The following PAICS variants were observed in gnomAD, a reference collection of about 807,000 sequenced individuals.
PAICS encodes the protein phosphoribosylaminoimidazole carboxylase and phosphoribosylaminoimidazolesuccinocarboxamide synthase.
Under a neutral mutation model 53.7 loss-of-function variants are expected in PAICS, and 33 were observed. The observed-to-expected ratio is 0.61, with a 90% confidence interval of 0.47 to 0.82. PAICS has a LOEUF of 0.82. PAICS is among the 40% of genes least tolerant of loss of function. The pLI, the probability that PAICS is intolerant of heterozygous loss-of-function variation, is 0.00. For missense variants in PAICS, 394 were observed against 494.1 expected (o/e 0.80, Z 1.92); for synonymous variants, 141 against 167.2 (o/e 0.84, Z 1.21).
In PAICS at chr4:56,452,705, G is replaced by C. The variant is rs527591524; in HGVS notation, c.952+653G>C. On this transcript the variant is annotated intron_variant, in intron 7 of 8. Transcript: ENST00000512576. ...TTACAGGAGGCGGGAGGTTAAAATA[G>C]CCGGTTCTCCCGGGAATCTTTAGTT... Among the ~76,000 whole-genome samples, 384 of 152,262 alleles carry C rather than the reference G, an allele frequency of 2.5e-3. 2 individuals carry two copies. Among genetic ancestry groups the C allele is most frequent in the Non-Finnish European group, 4.3e-3 (294 of 68,032 alleles).
At chr4:56,435,218 C>T, upstream of PAICS, 1 of 1,345,362 alleles carries the variant, frequency 7.4e-7, no homozygotes, top group Non-Finnish European at 1.0e-6. Context: ...GTCGACGCCA[C>T]AGGCAGGTAC....
At chr4:56,432,720 G>C (rs1717661427), upstream of PAICS, among the ~76,000 whole-genome samples, 1 of 149,982 alleles carries the variant, frequency 6.7e-6, no homozygotes, top group East Asian at 2.0e-4. Context: ...GGGAGGCGGA[G>C]CTTGCAGTGA....
Position 56,448,500 on chromosome 4 carries a change from A to G in PAICS, c.476A>G (p.Gln159Arg). 3.7e-6 allele frequency: 6 copies of G among 1,612,922 alleles called. No homozygotes were observed. The highest frequency in any genetic ancestry group is 5.1e-6 in the Non-Finnish European group (6 of 1,179,102). ...TGCTTTGCTGGACTTCTTATAGGCC[A>G]GACTGAAGTGGATATCATGAGTCAT... ...KFCFAGLLIG[Q>R]TEVDIMSHAT... Residue 159 changes from glutamine to arginine, a missense_variant, in exon 4 of 9, where the codon CAG (glutamine) becomes CGG (arginine). Gln to Arg is a conservative substitution (Grantham distance 43). This residue lies in a region of PAICS where 168 missense variants were observed against 199.3 expected (regional missense o/e 0.84). Transcript: ENST00000512576.
At chr4:56,432,997 T>TTATATATATA (rs370961590), upstream of PAICS, among the ~76,000 whole-genome samples, 2 of 148,436 alleles carry the variant, frequency 1.3e-5, no homozygotes, top group African/African-American at 5.0e-5. Flanking sequence ...CACACGTATT[T>TTATATATATA]TATATATATA....
At chr4:56,444,615 GATAAACA>G (rs1458559968) in intron 2 of PAICS, among the ~76,000 whole-genome samples, 1 of 152,088 alleles carries the variant, frequency 6.6e-6, no homozygotes, top group Non-Finnish European at 1.5e-5. Context: ...AGACAACTAA[GATAAACA>G]ATGGGAATTT....
rs1404185425 is a variant in PAICS, at chr4:56,463,628, GGTT to G, written c.*4093_*4095del. On this transcript the variant is annotated 3_prime_UTR_variant, in exon 9 of 9. Transcript: ENST00000512576. ...GAATCGCTTGAACCTGGAAGGCAGAGGTTGTGGTGAGCTGAGATCGAACCATTG... is the reference window on the plus strand; with the variant it reads ...GAATCGCTTGAACCTGGAAGGCAGAGGTGGTGAGCTGAGATCGAACCATTG... The G allele has an allele frequency of 2.0e-5, 3 of 151,084 alleles. No homozygotes were observed. The highest frequency in any genetic ancestry group is 7.3e-5 in the African/African-American group (3 of 40,990). The allele number at this position is 151,084 out of a possible 1,614,324, so 9.4% of individuals were successfully genotyped here.
chr4:56,451,785 G>A, intron 6 of PAICS, 87 bp from the exon 7 acceptor site: 1 of 710,918 alleles, frequency 1.4e-6, no homozygotes, highest in Non-Finnish European at 2.2e-6. Context: ...AAAATATTGG[G>A]CCCAGATATA....
At chr4:56,417,842 G>GTTTTTTTTTTT in the PAICS span, among the ~76,000 whole-genome samples, 2 of 136,166 alleles carry the variant, frequency 1.5e-5, no homozygotes, top group African/African-American at 5.5e-5. Context: ...TTGGTTTTTT[G>GTTTTTTTTTTT]TTTTTTTTTT....
At chr4:56,435,652 C>T (rs1309526207), upstream of PAICS, 3 of 1,431,764 alleles carry the variant, frequency 2.1e-6, no homozygotes, top group Non-Finnish European at 2.8e-6. Flanking sequence ...GCGTGGCCAG[C>T]TCAGCCCTGC....
At chr4:56,421,438 T>G in the PAICS span, 4 of 152,400 alleles carry the variant, frequency 2.6e-5, no homozygotes, top group Non-Finnish European at 4.4e-5. Context: ...CCCTGGTCCA[T>G]GGAAAAATTG....
chr4:56,448,384 T>C (rs751234928), intron 3 of PAICS, 34 bp from the exon 4 acceptor site: 5 of 1,400,800 alleles, frequency 3.6e-6, no homozygotes, highest in Non-Finnish European at 4.8e-6. Flanking sequence ...AATTTTAGAT[T>C]GAAGTTAATT....
chr4:56,432,205 A>C (rs1717622247), upstream of PAICS, among the ~76,000 whole-genome samples: 1 of 152,174 alleles, frequency 6.6e-6, no homozygotes, highest in Admixed American at 6.5e-5. Context: ...AAAGTGATAG[A>C]AATCTCACCT....
chr4:56,461,025 C>G lies in PAICS; in HGVS notation c.*1487C>G, dbSNP rs576996798. 1 of 152,076 alleles carries G rather than the reference C, an allele frequency of 6.6e-6. No homozygotes were observed. The highest frequency in any genetic ancestry group is 1.5e-5 in the Non-Finnish European group (1 of 68,016). The allele number at this position is 152,076 out of a possible 1,614,324, so 9.4% of individuals were successfully genotyped here. ...ACCCATGAAGGGAACTCATTTTCCT[C>G]GTAATTTTGGACTGCCACACATTGG... is the stretch of plus-strand genomic sequence containing the variant. On this transcript the variant is annotated 3_prime_UTR_variant, in exon 9 of 9. Coordinates refer to ENST00000512576, the MANE Select transcript of PAICS (RefSeq NM_001079524.2).
chr4:56,451,452 C>T (rs1372036746), intron 6 of PAICS, among the ~76,000 whole-genome samples: 2 of 152,086 alleles, frequency 1.3e-5, no homozygotes. Context: ...GAACATTATT[C>T]TTATAGGAAT....
At chr4:56,449,862 G>C (rs1718812386) in intron 5 of PAICS, among the ~76,000 whole-genome samples, 1 of 150,558 alleles carries the variant, frequency 6.6e-6, no homozygotes, top group African/African-American at 2.4e-5. Context: ...TGTAATCCCA[G>C]CTTCTCGGAA....
chr4:56,434,746 T>C (rs372156004), upstream of PAICS, among the ~76,000 whole-genome samples: 59 of 152,282 alleles, frequency 3.9e-4, no homozygotes, highest in African/African-American at 1.4e-3. Flanking sequence ...ATTTAATTTA[T>C]GTGAGATCTA....
chr4:56,415,181 A>G, the PAICS span, among the ~76,000 whole-genome samples: 1 of 152,182 alleles, frequency 6.6e-6, no homozygotes, highest in African/African-American at 2.4e-5. Context: ...ATTAATGTAA[A>G]ATACAATGCT....
rs974074842 is a variant in PAICS at position 56,459,759 on chromosome 4, C to T, written c.*221C>T. 6 of 435,480 alleles carry T rather than the reference C, an allele frequency of 1.4e-5. No individual in the cohort carries two copies. Among genetic ancestry groups the T allele is most frequent in the Non-Finnish European group, 1.2e-5 (3 of 242,046 alleles). 27.0% of individuals were successfully genotyped at this position (435,480 alleles called of 1,614,324 possible). On this transcript the variant is annotated 3_prime_UTR_variant, in exon 9 of 9. Coordinates refer to ENST00000512576, the MANE Select transcript of PAICS (RefSeq NM_001079524.2). ...ATTTCAGCCAGCCTTTATCATTCCTCTTACTTTATCCTTTTTCCTTAAGTA... is the reference window on the plus strand; with the variant it reads ...ATTTCAGCCAGCCTTTATCATTCCTTTTACTTTATCCTTTTTCCTTAAGTA...
At chr4:56,450,496 T>G in intron 5 of PAICS, 123 bp from the exon 6 acceptor site, 1 of 605,088 alleles carries the variant, frequency 1.7e-6, no homozygotes, top group South Asian at 2.1e-5. Flanking sequence ...AGTGAAAAGA[T>G]GCATTTTCAG....
Sources: gnomAD v4.1 joint callset for allele counts (sites outside exome capture counted in the v4.1 genomes callset) on GRCh38, gnomAD v4.1.1 for gene constraint, gnomAD v4.1.1 regional missense constraint, MANE v1.5 for transcripts, NCBI Gene and HGNC (gene_info 2026-07-23, HGNC 2026-07-21) for gene names.